Variants in DRC9 observed in about 807,000 individuals in gnomAD.
DRC9 encodes dynein regulatory complex protein 9.
chr3:197,918,084 G>A, the DRC9 span, among the ~76,000 whole-genome samples: 17 of 143,648 alleles, frequency 1.2e-4, no homozygotes, highest in African/African-American at 4.5e-4. Flanking sequence ...CAAATTGTAT[G>A]GCAGTCAGTG....
At chr3:197,959,273 GTTCCA>G in the DRC9 span, 1 of 152,170 alleles carries the variant, frequency 6.6e-6, no homozygotes, top group African/African-American at 2.4e-5. Flanking sequence ...AGGATGACTG[GTTCCA>G]TTCTTTATTC....
the DRC9 span, chr3:197,932,430 C>G: frequency 1.1e-5 from 6 of 570,754 alleles, no homozygotes; most frequent in South Asian, 1.2e-4. Context: ...GTCAGGAGAT[C>G]AAGACCATCC....
chr3:197,951,790 C>T, the DRC9 span: 2 of 174,340 alleles, frequency 1.1e-5, no homozygotes, highest in African/African-American at 4.8e-5. Context: ...CCTCTGCCTC[C>T]TGGCTCAAGC....
At chr3:197,920,165 C>T in the DRC9 span, among the ~76,000 whole-genome samples, 12 of 151,886 alleles carry the variant, frequency 7.9e-5, no homozygotes, top group South Asian at 2.1e-4. Flanking sequence ...GCTGAGATCG[C>T]GGCACTGCAC....
At chr3:197,944,063 A>G in the DRC9 span, 1 of 1,601,036 alleles carries the variant, frequency 6.2e-7, no homozygotes, top group African/African-American at 1.4e-5. Flanking sequence ...TAAGGAAAGA[A>G]TAAAGAAAAA....
chr3:197,935,639 C>T, the DRC9 span, among the ~76,000 whole-genome samples: 6 of 151,948 alleles, frequency 3.9e-5, 1 homozygote, highest in Middle Eastern at 6.8e-3. Context: ...CACGCCACCA[C>T]GCCCAGCTAA....
chr3:197,891,362 A>G, the DRC9 span: 1 of 742,782 alleles, frequency 1.3e-6, no homozygotes, highest in Non-Finnish European at 2.4e-6. Context: ...ATATACTGAG[A>G]TGTGTTTGAT....
At chr3:197,896,573 G>A in the DRC9 span, among the ~76,000 whole-genome samples, 1 of 152,208 alleles carries the variant, frequency 6.6e-6, no homozygotes, top group South Asian at 2.1e-4. Context: ...TGCTATAACA[G>A]AATGCCAGAG....
the DRC9 span, among the ~76,000 whole-genome samples, chr3:197,905,423 G>A: frequency 6.6e-6 from 1 of 152,130 alleles, no homozygotes; most frequent in Admixed American, 6.5e-5. Flanking sequence ...ACAATTTTAA[G>A]TCTATAAATC....
the DRC9 span, chr3:197,953,886 G>A: frequency 1.1e-6 from 1 of 940,770 alleles, no homozygotes; most frequent in South Asian, 1.4e-5. Flanking sequence ...GGCATTTAAA[G>A]TTTCTCAGGT....
the DRC9 span, among the ~76,000 whole-genome samples, chr3:197,904,095 TATATATATATATATA>T: frequency 8.9e-3 from 403 of 45,376 alleles, 9 homozygotes; most frequent in South Asian, 0.035. Flanking sequence ...TACATATATA[TATATATATATATATA>T]TTTTTTTTTT....
the DRC9 span, among the ~76,000 whole-genome samples, chr3:197,934,183 C>CTTTTTT: frequency 3.0e-5 from 3 of 99,510 alleles, no homozygotes; most frequent in Non-Finnish European, 5.6e-5. Flanking sequence ...CATTCTGGGT[C>CTTTTTT]TTTTTTTTTT....
the DRC9 span, among the ~76,000 whole-genome samples, chr3:197,908,678 C>T: frequency 2.0e-5 from 3 of 150,296 alleles, no homozygotes; most frequent in Non-Finnish European, 3.0e-5. Flanking sequence ...GGCACCCTCC[C>T]AGATGAAGTT....
chr3:197,907,703 T>C, the DRC9 span, among the ~76,000 whole-genome samples: 17 of 152,348 alleles, frequency 1.1e-4, no homozygotes, highest in East Asian at 3.1e-3. Flanking sequence ...GTACCAGGTC[T>C]GAAGAGTGAG....
chr3:197,960,174 A>G, the DRC9 span: 1 of 1,512,970 alleles, frequency 6.6e-7, no homozygotes, highest in Non-Finnish European at 9.0e-7. Flanking sequence ...GTCTACCCCC[A>G]GCGGCGAGGG....
chr3:197,919,290 G>C, the DRC9 span, among the ~76,000 whole-genome samples: 1 of 152,152 alleles, frequency 6.6e-6, no homozygotes, highest in Non-Finnish European at 1.5e-5. Context: ...ATAAAATCCT[G>C]ACAGGCTATG....
At chr3:197,951,252 C>A in the DRC9 span, 1 of 1,614,030 alleles carries the variant, frequency 6.2e-7, no homozygotes, top group Non-Finnish European at 8.5e-7. Flanking sequence ...GTGTTTACGC[C>A]CGAGATGAAA....
At chr3:197,923,577 A>T in the DRC9 span, among the ~76,000 whole-genome samples, 7 of 152,202 alleles carry the variant, frequency 4.6e-5, no homozygotes, top group East Asian at 1.4e-3. Context: ...CAAAAATTTA[A>T]GAAATTATCT....
At chr3:197,944,504 A>G in the DRC9 span, among the ~76,000 whole-genome samples, 2 of 151,476 alleles carry the variant, frequency 1.3e-5, no homozygotes, top group Non-Finnish European at 2.9e-5. Flanking sequence ...GCTGGAGTGC[A>G]GTAGCGCGAT....
Sources: allele counts gnomAD v4.1 joint callset (sites outside exome capture counted in the v4.1 genomes callset), GRCh38; gene constraint gnomAD v4.1.1; transcripts MANE v1.5; gene names NCBI Gene and HGNC (gene_info 2026-07-23, HGNC 2026-07-21).